Variants in FUT8 observed in about 807,000 individuals in gnomAD.
FUT8 encodes alpha-(1,6)-fucosyltransferase.
A neutral mutation model predicts 71.3 loss-of-function variants in FUT8; 29 were observed. The ratio of observed to expected loss-of-function variants is 0.41; its 90% CI spans 0.30 to 0.55. FUT8 has a LOEUF of 0.55. Among genes scored for constraint, FUT8 ranks in the 20% least tolerant of loss-of-function variants. The pLI, the probability that FUT8 is intolerant of heterozygous loss-of-function variation, is 0.34. For missense variants in FUT8, 544 were observed against 702.1 expected (o/e 0.77, Z 2.55); for synonymous variants, 254 against 239.3 (o/e 1.06, Z -0.57).
intron 3 of FUT8, among the ~76,000 whole-genome samples, chr14:65,568,684 G>A (rs1886323500): frequency 6.6e-6 from 1 of 150,474 alleles, no homozygotes; most frequent in Non-Finnish European, 1.5e-5. Context: ...CTTAGCAAAT[G>A]ACTTATGTTG....
intron 6 of FUT8, among the ~76,000 whole-genome samples, chr14:65,633,953 C>T (rs1301706105): frequency 1.3e-5 from 2 of 151,244 alleles, no homozygotes; most frequent in Non-Finnish European, 2.9e-5. Flanking sequence ...GGGGGTCAGC[C>T]CCTGCCCGGC....
chr14:65,720,305 G>C (rs1895349493), intron 7 of FUT8, among the ~76,000 whole-genome samples: 1 of 151,568 alleles, frequency 6.6e-6, no homozygotes, highest in South Asian at 2.1e-4. Flanking sequence ...AAGGCCCAAG[G>C]GCTCTTCAGT....
chr14:65,560,809 T>C (rs1885877055), intron 2 of FUT8, among the ~76,000 whole-genome samples: 1 of 152,192 alleles, frequency 6.6e-6, no homozygotes, highest in African/African-American at 2.4e-5. Flanking sequence ...AATATGCATG[T>C]CAGTTTTAGA....
chr14:65,554,682 A>C (rs1885494083), intron 2 of FUT8, among the ~76,000 whole-genome samples: 1 of 152,018 alleles, frequency 6.6e-6, no homozygotes, highest in African/African-American at 2.4e-5. Context: ...ACTGAATCAG[A>C]AACTTGAAAT....
chr14:65,738,891 G>T (rs1896357583), intron 10 of FUT8, among the ~76,000 whole-genome samples: 1 of 152,000 alleles, frequency 6.6e-6, no homozygotes, highest in Admixed American at 6.6e-5. Context: ...CTGGTATTAT[G>T]CCTGGAGCAA....
chr14:65,405,795 T>C (rs531763674), upstream of FUT8, among the ~76,000 whole-genome samples: 2 of 152,354 alleles, frequency 1.3e-5, no homozygotes, highest in South Asian at 4.1e-4. Flanking sequence ...AATGAGTTTC[T>C]CCACTTGGCA....
chr14:65,453,481 A>T (rs967472423), intron 1 of FUT8, among the ~76,000 whole-genome samples: 2 of 152,166 alleles, frequency 1.3e-5, no homozygotes, highest in African/African-American at 2.4e-5. Flanking sequence ...AGACTTTTCC[A>T]TTCTGGCTGT....
At chr14:65,602,826 G>A (rs1034246433) in intron 3 of FUT8, among the ~76,000 whole-genome samples, 1 of 151,858 alleles carries the variant, frequency 6.6e-6, no homozygotes, top group African/African-American at 2.4e-5. Context: ...CTTCTTTTGA[G>A]AATTGTCTTA....
the FUT8 span, among the ~76,000 whole-genome samples, chr14:65,366,796 A>G: frequency 6.6e-6 from 1 of 152,156 alleles, no homozygotes; most frequent in South Asian, 2.1e-4. Flanking sequence ...TTTTCATTGT[A>G]CAGTCAGTTA....
intron 3 of FUT8, among the ~76,000 whole-genome samples, chr14:65,563,152 T>TTATAA (rs1487158991): frequency 6.6e-6 from 1 of 152,056 alleles, no homozygotes; most frequent in Non-Finnish European, 1.5e-5. Flanking sequence ...AATTTGTCTA[T>TTATAA]TATTTTCTTT....
rs148384088 is a variant in FUT8 at position 65,514,021 on chromosome 14, A to G, written c.-227-47316A>G. Among the ~76,000 whole-genome samples, 433 of 152,360 alleles carry G rather than the reference A, an allele frequency of 2.8e-3. 5 individuals carry two copies. Among genetic ancestry groups the G allele is most frequent in the African/African-American group, 9.5e-3 (394 of 41,596 alleles). On this transcript the variant is annotated intron_variant, in intron 2 of 10. Coordinates refer to ENST00000673929, the MANE Select transcript of FUT8 (RefSeq NM_001371533.1). Reference sequence around the variant, plus strand: ...GTGGAATTCAGCTCTTTATGTCAACAGGTGAACTATAGAGCACAAAGATAT... The same window carrying G: ...GTGGAATTCAGCTCTTTATGTCAACGGGTGAACTATAGAGCACAAAGATAT...
Position 65,605,614 on chromosome 14 carries a change from C to T in FUT8, c.204-10364C>T, listed in dbSNP as rs191265783. ...GAGTCCTCAGAAGAAACCAAACCTG[C>T]TGATGCCTTAATCATGGACTTCTAG... On this transcript the variant is annotated intron_variant, in intron 3 of 10. Coordinates refer to ENST00000673929, the MANE Select transcript of FUT8 (RefSeq NM_001371533.1). 3.9e-5 allele frequency among the ~76,000 whole-genome samples: 6 copies of T among 152,128 alleles called. No homozygotes were observed. The East Asian group carries it at 1.2e-3, about 29-fold the overall frequency.
chr14:65,414,222 A>G (rs883082), intron 1 of FUT8, among the ~76,000 whole-genome samples: 54,261 of 152,116 alleles, frequency 0.36, 11,988 homozygotes, highest in Non-Finnish European at 0.5. Flanking sequence ...ATCTCAAGTA[A>G]CTGACTTAAC....
At chr14:65,724,444 A>G in intron 9 of FUT8, 121 bp downstream of exon 9, 1 of 632,510 alleles carries the variant, frequency 1.6e-6, no homozygotes, top group South Asian at 2.3e-5. Context: ...GGTTTTAAAA[A>G]TTCAATGGAC....
chr14:65,454,348 T>C (rs560257221), intron 1 of FUT8, among the ~76,000 whole-genome samples: 1 of 152,254 alleles, frequency 6.6e-6, no homozygotes, highest in African/African-American at 2.4e-5. Context: ...TTATACAGGC[T>C]GGGCATGGTG....
At chr14:65,585,169 A>G (rs1594789994) in intron 3 of FUT8, among the ~76,000 whole-genome samples, 1 of 151,826 alleles carries the variant, frequency 6.6e-6, no homozygotes, top group East Asian at 1.9e-4. Context: ...ATTGATTTCT[A>G]TATTATTTAT....
rs150122021 is a variant in FUT8 at position 65,611,339 on chromosome 14, A to G, written c.204-4639A>G. On this transcript the variant is annotated intron_variant, in intron 3 of 10. Coordinates refer to ENST00000673929, the MANE Select transcript of FUT8 (RefSeq NM_001371533.1). Reference sequence around the variant, plus strand: ...TAGCCTTGATTTTGCTTGTTGGCCTATAAAACCGAAAATATTTATTAGGAA... The same window carrying G: ...TAGCCTTGATTTTGCTTGTTGGCCTGTAAAACCGAAAATATTTATTAGGAA... Among the ~76,000 whole-genome samples the G allele has an allele frequency of 1.7e-3, 258 of 147,992 alleles. 10 individuals carry two copies. The highest frequency in any genetic ancestry group is 6.4e-3 in the African/African-American group (243 of 38,260).
chr14:65,581,792 G>A (rs1887107788), intron 3 of FUT8, among the ~76,000 whole-genome samples: 1 of 150,816 alleles, frequency 6.6e-6, no homozygotes, highest in African/African-American at 2.4e-5. Context: ...TACCTTTTTT[G>A]TTCTACCCAT....
intron 1 of FUT8, among the ~76,000 whole-genome samples, chr14:65,451,802 A>T (rs1288599322): frequency 1.3e-5 from 2 of 152,198 alleles, no homozygotes; most frequent in African/African-American, 4.8e-5. Flanking sequence ...GTCCTTCTGA[A>T]GTCAAGCCAC....
Sources: gnomAD v4.1 joint callset for allele counts (sites outside exome capture counted in the v4.1 genomes callset) on GRCh38, gnomAD v4.1.1 for gene constraint, MANE v1.5 for transcripts, NCBI Gene and HGNC (gene_info 2026-07-23, HGNC 2026-07-21) for gene names.